Variants in SNTA1 observed in about 807,000 individuals in gnomAD.
SNTA1 encodes syntrophin alpha 1.
SNTA1 carries 31 observed loss-of-function variants against 47.1 expected under a neutral mutation model. The ratio of observed to expected loss-of-function variants is 0.66; its 90% confidence interval spans 0.49 to 0.89. The LOEUF (loss-of-function observed/expected upper bound fraction) is 0.89. Among genes scored for constraint, SNTA1 ranks in the 40% least tolerant of loss-of-function variants. The probability of loss-of-function intolerance (pLI) is 0.00; values close to 1 mark genes in which losing one functional copy is unlikely to be tolerated. For missense variants in SNTA1, 575 were observed against 693.0 expected (o/e 0.83, Z 1.91); for synonymous variants, 300 against 313.6 (o/e 0.96, Z 0.46).
At chr20:33,412,817 C>T in intron 3 of SNTA1, 35 bp from the exon 4 acceptor site, 1 of 1,473,978 alleles carries the variant, frequency 6.8e-7, no homozygotes, top group Non-Finnish European at 9.3e-7. Context: ...AAGGACCTGA[C>T]CATTAGGCTG....
intron 2 of SNTA1, among the ~76,000 whole-genome samples, chr20:33,424,616 C>T (rs552842115): frequency 3.9e-5 from 6 of 151,982 alleles, no homozygotes; most frequent in African/African-American, 1.4e-4. Context: ...TAGGCTTAAG[C>T]GATCCTCCCA....
rs1555822126 is a variant in SNTA1 at position 33,443,416 on chromosome 20, C to G, written c.205G>C (p.Glu69Gln). The G allele has an allele frequency of 7.5e-7, 1 of 1,340,630 alleles. No homozygotes were observed. The highest frequency in any genetic ancestry group is 3.2e-5 in the East Asian group (1 of 31,234). The allele number at this position is 1,340,630 out of a possible 1,614,324, so 83.0% of individuals were successfully genotyped here. A position where few individuals can be genotyped will look rare whatever the true frequency, so the allele number is the denominator to read the frequency against. Reference protein sequence around the residue: ...QEPAQLNGAAEPGAGPPQLPE... With the variant: ...QEPAQLNGAAQPGAGPPQLPE... ...AGCTGCGGGGGCCCGGCGCCCGGCT[C>G]CGCGGCGCCGTTGAGCTGCGCGGGC... The change falls in exon 1 of 8, where the codon GAG becomes CAG. Residue 69 changes from glutamate (E) to glutamine (Q), a missense_variant. By Grantham distance (29) the Glu-to-Gln change is conservative. Coordinates refer to ENST00000217381, the MANE Select transcript of SNTA1 (RefSeq NM_003098.3).
intron 2 of SNTA1, among the ~76,000 whole-genome samples, chr20:33,431,475 C>T (rs1389667980): frequency 1.3e-5 from 2 of 151,754 alleles, no homozygotes; most frequent in Non-Finnish European, 2.9e-5. Flanking sequence ...GGGCCGGGCA[C>T]GGTGGCTCAC....
rs1167603162 is a variant in SNTA1, at chr20:33,408,335, C to A, written c.*172G>T. On this transcript the variant is annotated 3_prime_UTR_variant, in exon 8 of 8. Transcript: ENST00000217381. ...AGGCAGAGTCCACTCTGTCCTGCGTCTGGGTCCTGGGCCCCAAGACCAATC... is the reference window on the plus strand; with the variant it reads ...AGGCAGAGTCCACTCTGTCCTGCGTATGGGTCCTGGGCCCCAAGACCAATC... 1.5e-6 allele frequency: 1 copy of A among 665,436 alleles called. No individual in the cohort carries two copies. The highest frequency in any genetic ancestry group is 2.1e-5 in the Admixed American group (1 of 46,936). The allele number at this position is 665,436 out of a possible 1,614,324, so 41.2% of individuals were successfully genotyped here. A position where few individuals can be genotyped will look rare whatever the true frequency, so the allele number is the denominator to read the frequency against.
At chr20:33,433,055 G>A (rs1990349497) in intron 2 of SNTA1, among the ~76,000 whole-genome samples, 2 of 151,854 alleles carry the variant, frequency 1.3e-5, no homozygotes, top group South Asian at 2.1e-4. Context: ...TCAGCCTCCT[G>A]AGTAGCTGGG....
chr20:33,415,786 C>T (rs1989859844), intron 3 of SNTA1, among the ~76,000 whole-genome samples: 1 of 146,760 alleles, frequency 6.8e-6, no homozygotes, highest in South Asian at 2.1e-4. Context: ...AGAGAAGACT[C>T]TGTCCCAAAA....
At chr20:33,411,666 G>A (rs1376856583) in intron 5 of SNTA1, among the ~76,000 whole-genome samples, 3 of 152,166 alleles carry the variant, frequency 2.0e-5, no homozygotes, top group Non-Finnish European at 1.5e-5. Flanking sequence ...TTAAGCTAAA[G>A]CTAACATTCC....
chr20:33,419,089 T>C (rs192801517), intron 2 of SNTA1, among the ~76,000 whole-genome samples: 2 of 151,924 alleles, frequency 1.3e-5, no homozygotes, highest in East Asian at 1.9e-4. Context: ...GCCTGGACGA[T>C]GAAGTGCGAC....
Position 33,412,394 on chromosome 20 carries a change from G to A in SNTA1, c.942C>T (p.Ala314=). Residue 314 remains alanine (A), a synonymous_variant, in exon 5 of 8, where the codon GCC becomes GCT. Transcript: ENST00000217381. ...LPSGGTAPTL[A]LLTEKELLLY... ...GGAGCAGTTCCTTTTCAGTTAGCAGGGCCAGGGTGGGGGCTGTGCCCCCAC... is the reference window on the plus strand; with the variant it reads ...GGAGCAGTTCCTTTTCAGTTAGCAGAGCCAGGGTGGGGGCTGTGCCCCCAC... The A allele has an allele frequency of 1.2e-6, 2 of 1,611,072 alleles. No homozygotes were observed. The highest frequency in any genetic ancestry group is 1.7e-6 in the Non-Finnish European group (2 of 1,179,126).
rs780018849 is a variant in SNTA1 at position 33,443,507 on chromosome 20, G to T, written c.114C>A (p.Asp38Glu). ...CGTCGGCGGGGCTCACGGTCAGCAC[G>T]TCCTCCGCCAGACTCAGCAGCACCC... Reference protein sequence around the residue: ...WQRVLLSLAEDVLTVSPADGD... With the variant: ...WQRVLLSLAEEVLTVSPADGD... Residue 38 changes from aspartate to glutamate, a missense_variant, in exon 1 of 8, where the codon GAC (aspartate) becomes GAA (glutamate). Physicochemically the swap from Asp to Glu is conservative, Grantham distance 45. Coordinates refer to ENST00000217381, the MANE Select transcript of SNTA1 (RefSeq NM_003098.3). 26 of 1,376,886 alleles carry T rather than the reference G, an allele frequency of 1.9e-5. No homozygotes were observed. The highest frequency in any genetic ancestry group is 2.4e-5 in the Non-Finnish European group (25 of 1,059,870). 85.3% of individuals were successfully genotyped at this position (1,376,886 alleles called of 1,614,324 possible).
Position 33,438,973 on chromosome 20 carries a change from C to T in SNTA1, c.364G>A (p.Ala122Thr), listed in dbSNP as rs151113230. The T allele has an allele frequency of 1.9e-6, 3 of 1,614,082 alleles. No homozygotes were observed. Among genetic ancestry groups the T allele is most frequent in the Non-Finnish European group, 2.5e-6 (3 of 1,180,040 alleles). ...AAAAGGGCCTCTGTCTGGTCAGCTG[C>T]CAATCCCTTGAAGATCTTGGAAATG... ...ILISKIFKGL[A>T]ADQTEALFVG... The change falls in exon 2 of 8, where the codon GCA becomes ACA. Residue 122 changes from alanine to threonine, a missense_variant. Ala to Thr is a moderately conservative substitution (Grantham distance 58, BLOSUM62 0). Transcript: ENST00000217381.
intron 4 of SNTA1, 26 bp from the exon 5 acceptor site, chr20:33,412,452 G>T (rs1305625042): frequency 2.1e-5 from 34 of 1,609,700 alleles, no homozygotes; most frequent in Non-Finnish European, 2.8e-5. Flanking sequence ...CAGCAGTGAG[G>T]ATGGGTGGGG....
chr20:33,421,159 G>A (rs1990009452), intron 2 of SNTA1, among the ~76,000 whole-genome samples: 1 of 147,976 alleles, frequency 6.8e-6, no homozygotes, highest in Non-Finnish European at 1.5e-5. Flanking sequence ...GTAACAGAGT[G>A]ATACCCTGTC....
At position 33,430,955 on chromosome 20, in the gene SNTA1, A is replaced by T. The variant is rs559489261; in HGVS notation, c.496+7886T>A. Among the ~76,000 whole-genome samples the T allele has an allele frequency of 2.6e-5, 4 of 151,982 alleles. No homozygotes were observed. In the South Asian group the frequency reaches 8.3e-4, roughly 32 times the overall value. On this transcript the variant is annotated intron_variant, in intron 2 of 7. Transcript: ENST00000217381. ...CAGAGCGAGACTCCGTCTCAAAAAA[A>T]AAAAAAGATTATGGGTTTTCAGCCA...
At position 33,408,054 on chromosome 20, in the gene SNTA1, T is replaced by G. The variant is rs3177492; in HGVS notation, c.*453A>C. Reference sequence around the variant, plus strand: ...AAGAGAAAAACCAGACTCCCCACGGTGGCAGGGCTGAGGGGAAAAACAAAC... The same window carrying G: ...AAGAGAAAAACCAGACTCCCCACGGGGGCAGGGCTGAGGGGAAAAACAAAC... On this transcript the variant is annotated 3_prime_UTR_variant, in exon 8 of 8. Transcript: ENST00000217381. 1.7e-5 allele frequency: 4 copies of G among 236,058 alleles called. No homozygotes were observed. The highest frequency in any genetic ancestry group is 3.4e-5 in the Non-Finnish European group (4 of 117,098). The allele number at this position is 236,058 out of a possible 1,614,324, so 14.6% of individuals were successfully genotyped here.
chr20:33,408,958 A>C, intron 6 of SNTA1, 70 bp from the exon 7 acceptor site: 3 of 1,384,276 alleles, frequency 2.2e-6, no homozygotes, highest in Non-Finnish European at 3.1e-6. Flanking sequence ...TCCAACCCCC[A>C]CCGCAGCTTA....
At position 33,410,093 on chromosome 20, in the gene SNTA1, G is replaced by A. The variant is rs759761032; in HGVS notation, c.1237+42C>T. On this transcript the variant is annotated intron_variant, in intron 6 of 7. Coordinates refer to ENST00000217381, the MANE Select transcript of SNTA1 (RefSeq NM_003098.3). ...AGCTTGAATGCCCCTGGGGATAAGAGGCTTATTACCAGAGGGACACTCCCA... is the reference window on the plus strand; with the variant it reads ...AGCTTGAATGCCCCTGGGGATAAGAAGCTTATTACCAGAGGGACACTCCCA... The A allele has an allele frequency of 1.9e-6, 3 of 1,598,764 alleles. No individual in the cohort carries two copies. The South Asian group carries it at 3.3e-5, about 18-fold the overall frequency.
chr20:33,423,852 G>A (rs1176874192), intron 2 of SNTA1, among the ~76,000 whole-genome samples: 2 of 152,180 alleles, frequency 1.3e-5, no homozygotes, highest in Non-Finnish European at 2.9e-5. Flanking sequence ...AGCTCAAGCT[G>A]TTCCTTGTCT....
chr20:33,410,850 T>G (rs950135997), intron 5 of SNTA1, among the ~76,000 whole-genome samples: 2 of 152,232 alleles, frequency 1.3e-5, no homozygotes, highest in African/African-American at 4.8e-5. Context: ...TGTTCACCAC[T>G]GTATTCCCAG....
Sources: allele counts gnomAD v4.1 joint callset (sites outside exome capture counted in the v4.1 genomes callset), GRCh38; gene constraint gnomAD v4.1.1; transcripts MANE v1.5; gene names NCBI Gene and HGNC (gene_info 2026-07-23, HGNC 2026-07-21).